Variants in ZFAND4 observed in about 807,000 individuals in gnomAD.
The protein encoded by ZFAND4 is AN1-type zinc finger protein 4.
ZFAND4 carries 43 observed loss-of-function variants against 64.4 expected under a neutral mutation model. The ratio of observed to expected loss-of-function variants is 0.67; its 90% CI spans 0.52 to 0.86. ZFAND4 has a LOEUF of 0.86. Among genes scored for constraint, ZFAND4 ranks in the 40% least tolerant of loss-of-function variants. ZFAND4 has a pLI of 0.00. For missense variants in ZFAND4, 929 were observed against 859.8 expected (o/e 1.08, Z -1.01); for synonymous variants, 296 against 305.7 (o/e 0.97, Z 0.33).
chr10:45,626,007 G>C lies in ZFAND4; in HGVS notation c.1816C>G (p.Gln606Glu), dbSNP rs1025651391. The change falls in exon 7 of 10, where the codon CAG becomes GAG. Residue 606 changes from glutamine (Q) to glutamate (E), a missense_variant. Transcript: ENST00000344646. The stretch of plus-strand genomic sequence containing the variant: ...GAACTTTTCCTAAAGTTTTCTTCCT[G>C]AAAATGCTGGAGGTTTGTAGACAGC... ...TGLSTNLQHF[Q>E]EENFRKSSPQ... is the part of the protein sequence containing the mutation. 6.2e-7 allele frequency: 1 copy of C among 1,614,150 alleles called. No homozygotes were observed. Among genetic ancestry groups the C allele is most frequent in the East Asian group, 2.2e-5 (1 of 44,886 alleles).
chr10:45,625,933 T>G lies in ZFAND4; in HGVS notation c.1872+18A>C, dbSNP rs773058689. Reference sequence around the variant, plus strand: ...TACAAGGATAACTACTAGAGCATGTTGAAAGGAAAATACTGACCAAAAAAA... The same window carrying G: ...TACAAGGATAACTACTAGAGCATGTGGAAAGGAAAATACTGACCAAAAAAA... On this transcript the variant is annotated intron_variant, in intron 7 of 9. Transcript: ENST00000344646. The G allele has an allele frequency of 6.2e-7, 1 of 1,604,064 alleles. No individual in the cohort carries two copies. Among genetic ancestry groups the G allele is most frequent in the Non-Finnish European group, 8.5e-7 (1 of 1,176,484 alleles).
chr10:45,647,426 T>G (rs1443181947), intron 5 of ZFAND4, among the ~76,000 whole-genome samples: 3 of 140,806 alleles, frequency 2.1e-5, no homozygotes, highest in Non-Finnish European at 4.5e-5. Context: ...TACAAGCTGT[T>G]TTTTTTTTTT....
Position 45,651,190 on chromosome 10 carries a change from G to T in ZFAND4, c.328+776C>A, listed in dbSNP as rs80207206. On this transcript the variant is annotated intron_variant, in intron 4 of 9. Transcript: ENST00000344646. ...CTCTGACTAGTCTCCTCCACTTCAT[G>T]GGAATTCATGTGACATACCTGACTC... 618 of 161,878 alleles carry T rather than the reference G, an allele frequency of 3.8e-3. 12 individuals are homozygous for T. The East Asian group carries it at 0.048, about 13-fold the overall frequency. 10.0% of individuals were successfully genotyped at this position (161,878 alleles called of 1,614,324 possible).
At chr10:45,644,088 C>T (rs2047210438) in intron 5 of ZFAND4, among the ~76,000 whole-genome samples, 2 of 151,996 alleles carry the variant, frequency 1.3e-5, no homozygotes, top group African/African-American at 4.8e-5. Context: ...TTATGTGGCT[C>T]TCTCGTTGCT....
intron 1 of ZFAND4, among the ~76,000 whole-genome samples, chr10:45,667,234 G>A (rs1204033390): frequency 4.0e-5 from 6 of 151,860 alleles, no homozygotes; most frequent in African/African-American, 1.5e-4. Context: ...TATTACAAAT[G>A]GAATCACTGT....
At chr10:45,619,697 CTT>C (rs748659092) in intron 8 of ZFAND4, among the ~76,000 whole-genome samples, 1 of 145,414 alleles carries the variant, frequency 6.9e-6, no homozygotes, top group Non-Finnish European at 1.5e-5. Flanking sequence ...GGTTCTATGT[CTT>C]TTTTTTTTTG....
At chr10:45,667,306 C>T (rs79596920) in intron 1 of ZFAND4, among the ~76,000 whole-genome samples, 9,087 of 152,096 alleles carry the variant, frequency 0.06, 398 homozygotes, top group African/African-American at 0.12. Context: ...TATCTTGATC[C>T]TGTACACTGC....
At chr10:45,635,216 A>AAAAAAAAAAAAAAAAAAAAAAAC (rs2046501188) in intron 6 of ZFAND4, among the ~76,000 whole-genome samples, 2 of 139,406 alleles carry the variant, frequency 1.4e-5, no homozygotes, top group African/African-American at 5.9e-5. Context: ...AAAAAAAACA[A>AAAAAAAAAAAAAAAAAAAAAAAC]AAAAAAAACA....
rs1406945803 is a variant in ZFAND4, at chr10:45,626,338, T to C, written c.1485A>G (p.Lys495=). ...GCTGTAGCTTCCCAAACTCAAAACA[T>C]TTGGACTGTCTCTCTGGTTTCACCA... ...NSLVKPERQS[K]CFEFGKLQPS... Residue 495 remains lysine (K), a synonymous_variant, in exon 7 of 10, where the codon AAA becomes AAG. Transcript: ENST00000344646. The C allele has an allele frequency of 1.9e-6, 3 of 1,614,120 alleles. No homozygotes were observed. In the South Asian group the frequency reaches 3.3e-5, roughly 18 times the overall value.
At chr10:45,667,458 C>CCTTTTT (rs1564639790) in intron 1 of ZFAND4, among the ~76,000 whole-genome samples, 2 of 90,664 alleles carry the variant, frequency 2.2e-5, no homozygotes, top group Non-Finnish European at 4.2e-5. Flanking sequence ...TCTTTTCTTT[C>CCTTTTT]TTTTTTTTTT....
chr10:45,625,822 T>C, intron 7 of ZFAND4, 129 bp downstream of exon 7: 1 of 955,668 alleles, frequency 1.0e-6, no homozygotes, highest in Non-Finnish European at 1.5e-6. Flanking sequence ...TAAATAAACA[T>C]TTTCAGATAA....
chr10:45,633,215 C>CAA (rs201868878), intron 6 of ZFAND4, among the ~76,000 whole-genome samples: 21 of 87,986 alleles, frequency 2.4e-4, no homozygotes, highest in Non-Finnish European at 4.2e-4. Context: ...ATCAAGTTGA[C>CAA]AAAAAAAAAA....
At chr10:45,663,499 C>T in intron 2 of ZFAND4, 43 bp downstream of exon 2, 3 of 1,472,038 alleles carry the variant, frequency 2.0e-6, no homozygotes, top group Non-Finnish European at 2.8e-6. Flanking sequence ...TATTGATGAA[C>T]AAATTTAATT....
chr10:45,627,683 C>T (rs944448817), intron 6 of ZFAND4, among the ~76,000 whole-genome samples: 1 of 152,168 alleles, frequency 6.6e-6, no homozygotes, highest in African/African-American at 2.4e-5. Flanking sequence ...TGAACACTTG[C>T]TTTCCTTTTG....
At chr10:45,627,821 T>C (rs2045941677) in intron 6 of ZFAND4, among the ~76,000 whole-genome samples, 1 of 152,190 alleles carries the variant, frequency 6.6e-6, no homozygotes, top group African/African-American at 2.4e-5. Context: ...TACAACTCAC[T>C]GATAGAGGAC....
At chr10:45,627,187 A>G (rs1396445671) in intron 6 of ZFAND4, 82 bp from the exon 7 acceptor site, 1 of 1,108,130 alleles carries the variant, frequency 9.0e-7, no homozygotes. Flanking sequence ...AGAAAATGTT[A>G]CTTACCATAA....
At chr10:45,640,350 A>C in intron 5 of ZFAND4, 1 of 1,276,346 alleles carries the variant, frequency 7.8e-7, no homozygotes, top group Non-Finnish European at 1.0e-6. Context: ...TGAGATTTCC[A>C]TGAATCAGAA....
At chr10:45,661,908 G>T (rs2048497893) in intron 2 of ZFAND4, among the ~76,000 whole-genome samples, 1 of 149,362 alleles carries the variant, frequency 6.7e-6, no homozygotes, top group African/African-American at 2.5e-5. Flanking sequence ...CCATTCTCCA[G>T]CCTGCGCAAC....
intron 2 of ZFAND4, among the ~76,000 whole-genome samples, chr10:45,656,374 C>T (rs1444624067): frequency 1.3e-5 from 2 of 151,040 alleles, no homozygotes; most frequent in Non-Finnish European, 3.0e-5. Context: ...TTGAGGTGGG[C>T]AGATCACAAG....
Sources: allele counts gnomAD v4.1 joint callset (sites outside exome capture counted in the v4.1 genomes callset), GRCh38; gene constraint gnomAD v4.1.1; transcripts MANE v1.5; gene names NCBI Gene and HGNC (gene_info 2026-07-23, HGNC 2026-07-21).